ACOT6: variants seen among roughly 807,000 people sequenced by gnomAD.
The protein encoded by ACOT6 is acyl-CoA thioesterase 6.
Under a neutral mutation model 12.3 loss-of-function variants are expected in ACOT6, and 14 were observed. That is an observed-to-expected ratio of 1.14 (90% CI 0.75 to 1.78). The LOEUF (loss-of-function observed/expected upper bound fraction) is 1.78, where lower values mean the gene tolerates loss of function less well. ACOT6 is among the 40% of genes most tolerant of loss of function. The pLI, the probability that ACOT6 is intolerant of heterozygous loss-of-function variation, is 0.00. For synonymous variants in ACOT6, 218 were observed against 231.3 expected (o/e 0.94, Z 0.52); for missense variants, 523 against 551.8 (o/e 0.95, Z 0.52).
chr14:73,616,896 A>G (rs1890550486), intron 1 of ACOT6, 98 bp from the exon 2 acceptor site: 4 of 575,274 alleles, frequency 7.0e-6, no homozygotes, highest in Non-Finnish European at 6.2e-6. Flanking sequence ...TTCTCTGCCA[A>G]TCTCTCTACC....
chr14:73,613,744 CAA>C (rs1398344869), intron 1 of ACOT6, among the ~76,000 whole-genome samples: 1 of 152,136 alleles, frequency 6.6e-6, no homozygotes, highest in Non-Finnish European at 1.5e-5. Flanking sequence ...ACCACCAGAA[CAA>C]AGAATTATCT....
chr14:73,617,027 G>A lies in ACOT6; in HGVS notation c.495G>A (p.Gly165=). Residue 165 remains glycine, a synonymous_variant, in exon 2 of 3, where the codon GGG becomes GGA. Transcript: ENST00000645972. ...TTCCTGGGATCATTGATCTGTTTGG[G>A]AGCAGCAGGGGCCTTTGTGAATACA... The part of the protein sequence containing the change: ...GPFPGIIDLF[G]SSRGLCEYRA... 2 of 886,542 alleles carry A rather than the reference G, an allele frequency of 2.3e-6. No individual in the cohort carries two copies. The highest frequency in any genetic ancestry group is 4.8e-5 in the East Asian group (2 of 41,336). 54.9% of individuals were successfully genotyped at this position (886,542 alleles called of 1,614,324 possible). A position where few individuals can be genotyped will look rare whatever the true frequency, so the allele number is the denominator to read the frequency against.
At chr14:73,616,313 ATATTAT>A (rs529742212) in intron 1 of ACOT6, among the ~76,000 whole-genome samples, 35 of 151,610 alleles carry the variant, frequency 2.3e-4, no homozygotes, top group African/African-American at 8.2e-4. Flanking sequence ...TGTGAAAATA[ATATTAT>A]TATTATTATT....
At chr14:73,613,626 CA>C (rs1890485879) in intron 1 of ACOT6, among the ~76,000 whole-genome samples, 1 of 152,154 alleles carries the variant, frequency 6.6e-6, no homozygotes, top group Non-Finnish European at 1.5e-5. Flanking sequence ...GGAAATTTGG[CA>C]ATATCTGGAG....
chr14:73,611,721 G>A (rs990426674), upstream of ACOT6: 1 of 152,160 alleles, frequency 6.6e-6, no homozygotes, highest in African/African-American at 2.4e-5. Flanking sequence ...TGAATTTAGA[G>A]GGTTATGTTT....
Position 73,617,133 on chromosome 14 carries a change from AATGAT to A in ACOT6, c.602_606del (p.Asn201SerfsTer7). ...ATTTGAAGACCTCCCCGAAGATCTGAATGATGTACATCTGGAGTACTTTGAAGAAG... is the reference window on the plus strand; with the variant it reads ...ATTTGAAGACCTCCCCGAAGATCTGAGTACATCTGGAGTACTTTGAAGAAG... On this transcript the variant is annotated frameshift_variant, in exon 2 of 3. Transcript: ENST00000645972. LOFTEE classifies it high-confidence loss of function. 6.2e-7 allele frequency: 1 copy of A among 1,613,662 alleles called. No homozygotes were observed. The highest frequency in any genetic ancestry group is 8.5e-7 in the Non-Finnish European group (1 of 1,179,606).
chr14:73,617,349 G>A (rs1890557634), intron 2 of ACOT6, 157 bp downstream of exon 2: 2 of 1,035,958 alleles, frequency 1.9e-6, no homozygotes, highest in Non-Finnish European at 2.9e-6. Context: ...GCATGGTGAT[G>A]TGCACCTGTA....
intron 1 of ACOT6, among the ~76,000 whole-genome samples, chr14:73,614,026 CAAAAAAAAAA>C: frequency 1.1e-5 from 1 of 92,992 alleles, no homozygotes; most frequent in Non-Finnish European, 2.1e-5. Flanking sequence ...TCTGTCTCTA[CAAAAAAAAAA>C]AAAAAAAAAA....
Position 73,612,917 on chromosome 14 carries a change from C to G in ACOT6, c.346C>G (p.Pro116Ala). The change falls in exon 1 of 3, where the codon CCC becomes GCC. Residue 116 changes from proline to alanine, a missense_variant. This residue lies in a region of ACOT6 where 304 missense variants were observed against 274.8 expected (regional missense o/e 1.11). Coordinates refer to ENST00000645972, the MANE Select transcript of ACOT6 (RefSeq NM_001365788.1). ...AGTGCTGGACGGCCACGACACCGAGCCCGGGCGGCTGCTGTGCCTGGCGCA... is the reference window on the plus strand; with the variant it reads ...AGTGCTGGACGGCCACGACACCGAGGCCGGGCGGCTGCTGTGCCTGGCGCA... ...LEVLDGHDTE[P>A]GRLLCLAQNK... 1.5e-6 allele frequency: 2 copies of G among 1,353,650 alleles called. No homozygotes were observed. Among genetic ancestry groups the G allele is most frequent in the Middle Eastern group, 2.6e-4 (1 of 3,898 alleles). 83.9% of individuals were successfully genotyped at this position (1,353,650 alleles called of 1,614,324 possible).
At chr14:73,612,352 T>G, upstream of ACOT6, 2 of 406,866 alleles carry the variant, frequency 4.9e-6, no homozygotes, top group East Asian at 3.7e-5. Flanking sequence ...GGATTGGTCA[T>G]TAACTCTTAT....
intron 1 of ACOT6, among the ~76,000 whole-genome samples, chr14:73,614,314 C>T (rs1192405983): frequency 6.6e-6 from 1 of 152,218 alleles, no homozygotes; most frequent in Non-Finnish European, 1.5e-5. Flanking sequence ...TACAGCTCTT[C>T]AGCAATTCTT....
Position 73,619,823 on chromosome 14 carries a change from A to G in ACOT6, c.1250A>G (p.Lys417Arg). 6.2e-7 allele frequency: 1 copy of G among 1,602,532 alleles called. No homozygotes were observed. The highest frequency in any genetic ancestry group is 1.1e-5 in the South Asian group (1 of 89,254). The change falls in exon 3 of 3, where the codon AAG becomes AGG. Residue 417 changes from lysine (K) to arginine (R), a missense_variant. Around this residue, in one of 2 missense-constraint regions of ACOT6, gnomAD observed 219 missense variants for 277.0 expected, o/e 0.79. Transcript: ENST00000645972. ...CATCTCAATGGTAAAAAATCTGTCA[A>G]GCACAGCAAAATATAACATTGTAGC... ...HKHLNGKKSV[K>R]HSKI
Position 73,619,851 on chromosome 14 carries a change from C to T in ACOT6, c.*12C>T, listed in dbSNP as rs1890601598. ...ACAGCAAAATATAACATTGTAGCCA[C>T]AGACCAGATACCATTAATAAAAATC... On this transcript the variant is annotated 3_prime_UTR_variant, in exon 3 of 3. Transcript: ENST00000645972. 8 of 1,569,934 alleles carry T rather than the reference C, an allele frequency of 5.1e-6. No individual in the cohort carries two copies. The South Asian group carries it at 7.1e-5, about 14-fold the overall frequency.
At chr14:73,615,408 CAAAAAACAA>C (rs1890520078) in intron 1 of ACOT6, among the ~76,000 whole-genome samples, 2 of 51,162 alleles carry the variant, frequency 3.9e-5, no homozygotes, top group Non-Finnish European at 3.9e-5. Context: ...AAAAAAAAAA[CAAAAAACAA>C]AAAAAACCAG....
chr14:73,616,157 T>C (rs10145553), intron 1 of ACOT6, among the ~76,000 whole-genome samples: 116,299 of 151,806 alleles, frequency 0.77, 44,809 homozygotes, highest in East Asian at 0.95. Flanking sequence ...TTTGTAGAGA[T>C]GGGTCTTGTT....
chr14:73,618,019 T>C (rs1488437047), intron 2 of ACOT6, among the ~76,000 whole-genome samples: 2 of 151,954 alleles, frequency 1.3e-5, no homozygotes, highest in African/African-American at 4.8e-5. Context: ...GGTGCACACC[T>C]GTAATCCCAG....
Position 73,616,690 on chromosome 14 carries a change from CA to C in ACOT6, c.462-295del, listed in dbSNP as rs970831307. 387 of 182,482 alleles carry C rather than the reference CA, an allele frequency of 2.1e-3. 1 individual carries two copies. The highest frequency in any genetic ancestry group is 7.0e-3 in the African/African-American group (297 of 42,504). The allele number at this position is 182,482 out of a possible 1,614,324, so 11.3% of individuals were successfully genotyped here. A position where few individuals can be genotyped will look rare whatever the true frequency, so the allele number is the denominator to read the frequency against. On this transcript the variant is annotated intron_variant, in intron 1 of 2. Coordinates refer to ENST00000645972, the MANE Select transcript of ACOT6 (RefSeq NM_001365788.1). ...AGCCTGGGCGACAGAGTGAGACTGT[CA>C]AAAAAAAATTTTTTTTTTAATTTCA...
chr14:73,612,506 G>A (rs1890459590), upstream of ACOT6: 12 of 1,108,200 alleles, frequency 1.1e-5, 1 homozygote, highest in Non-Finnish European at 1.4e-5. Flanking sequence ...CCAGCGCTCG[G>A]CAAAGCCGCC....
At chr14:73,614,431 T>G (rs1052977277) in intron 1 of ACOT6, among the ~76,000 whole-genome samples, 4 of 152,004 alleles carry the variant, frequency 2.6e-5, no homozygotes, top group Non-Finnish European at 5.9e-5. Flanking sequence ...AAGGATATAG[T>G]AGGAGCTCAA....
Sources: allele counts gnomAD v4.1 joint callset (sites outside exome capture counted in the v4.1 genomes callset), GRCh38; gene constraint gnomAD v4.1.1; regional missense constraint gnomAD v4.1.1; transcripts MANE v1.5; gene names NCBI Gene and HGNC (gene_info 2026-07-23, HGNC 2026-07-21).